Variants in NPAS3 observed in about 807,000 individuals in gnomAD.
The protein encoded by NPAS3 is neuronal PAS domain-containing protein 3.
In NPAS3, 14 loss-of-function variants were observed where a neutral mutation model predicts 73.1. The ratio of observed to expected loss-of-function variants is 0.19; its 90% CI spans 0.13 to 0.30. The LOEUF (loss-of-function observed/expected upper bound fraction) is 0.30, where lower values mean the gene tolerates loss of function less well. Among genes scored for constraint, NPAS3 ranks in the 10% least tolerant of loss-of-function variants. The probability of loss-of-function intolerance (pLI) is 1.00; values close to 1 mark genes in which losing one functional copy is unlikely to be tolerated. For missense variants in NPAS3, 1,096 were observed against 1,250.0 expected (o/e 0.88, Z 1.86); for synonymous variants, 620 against 541.5 (o/e 1.14, Z -2.01).
chr14:33,676,113 T>G (rs2059756835), intron 5 of NPAS3, 98 bp from the exon 6 acceptor site: 1 of 1,227,402 alleles, frequency 8.1e-7, no homozygotes, highest in Non-Finnish European at 1.2e-6. Context: ...CCTGAATGTA[T>G]TTTCTTTTCT....
chr14:33,048,409 A>C (rs1035651563), intron 1 of NPAS3, among the ~76,000 whole-genome samples: 5 of 152,140 alleles, frequency 3.3e-5, no homozygotes, highest in Non-Finnish European at 5.9e-5. Context: ...TTACACTGGA[A>C]ATTACTTTTC....
chr14:33,764,465 A>T (rs2062396074), intron 7 of NPAS3, among the ~76,000 whole-genome samples: 1 of 152,260 alleles, frequency 6.6e-6, no homozygotes, highest in African/African-American at 2.4e-5. Context: ...TTCTTTTCTA[A>T]TAAGAGCTTG....
chr14:33,429,513 C>T (rs2048695860), intron 4 of NPAS3, among the ~76,000 whole-genome samples: 1 of 152,146 alleles, frequency 6.6e-6, no homozygotes, highest in South Asian at 2.1e-4. Flanking sequence ...ACAGTTGATG[C>T]TGTTGATTAA....
chr14:33,092,876 C>A (rs1595431222), intron 2 of NPAS3, among the ~76,000 whole-genome samples: 1 of 152,158 alleles, frequency 6.6e-6, no homozygotes, highest in Admixed American at 6.5e-5. Context: ...GGAAAAGATT[C>A]CCTATTTAAT....
chr14:33,039,442 TC>T (rs1459304770), intron 1 of NPAS3, among the ~76,000 whole-genome samples: 1 of 152,124 alleles, frequency 6.6e-6, no homozygotes, highest in East Asian at 1.9e-4. Flanking sequence ...TGCCCTTTGC[TC>T]CCCACCCCCT....
chr14:33,445,111 G>A (rs541149332), intron 4 of NPAS3, among the ~76,000 whole-genome samples: 1 of 151,982 alleles, frequency 6.6e-6, no homozygotes, highest in Non-Finnish European at 1.5e-5. Flanking sequence ...ACTATTCTTC[G>A]GCACTTGGTT....
intron 4 of NPAS3, among the ~76,000 whole-genome samples, chr14:33,523,115 G>A (rs1216650134): frequency 6.6e-6 from 1 of 152,088 alleles, no homozygotes; most frequent in East Asian, 1.9e-4. Flanking sequence ...TAATCCAGTA[G>A]AAGAAATTAA....
chr14:33,343,609 G>T (rs1165522905), intron 3 of NPAS3, among the ~76,000 whole-genome samples: 1 of 152,128 alleles, frequency 6.6e-6, no homozygotes. Context: ...TTCGGATTCA[G>T]CTCCTTAAAT....
intron 1 of NPAS3, among the ~76,000 whole-genome samples, chr14:33,053,943 A>T (rs183794729): frequency 6.6e-6 from 1 of 152,324 alleles, no homozygotes; most frequent in Admixed American, 6.5e-5. Flanking sequence ...TTAGAGCAAA[A>T]TATAAGAAAT....
intron 2 of NPAS3, among the ~76,000 whole-genome samples, chr14:33,130,704 G>C (rs979276397): frequency 8.5e-5 from 13 of 152,086 alleles, no homozygotes; most frequent in African/African-American, 2.9e-4. Context: ...AGTCAATTTA[G>C]AAAAAAGTTT....
chr14:33,059,292 G>A (rs11156782), intron 2 of NPAS3, among the ~76,000 whole-genome samples: 43,858 of 151,998 alleles, frequency 0.29, 8,166 homozygotes, highest in African/African-American at 0.53. Flanking sequence ...TAAATGATTA[G>A]ACAATTGTTT....
chr14:33,218,938 TG>T (rs1339303134), intron 3 of NPAS3, among the ~76,000 whole-genome samples: 4 of 152,184 alleles, frequency 2.6e-5, no homozygotes, highest in African/African-American at 9.6e-5. Flanking sequence ...AACACTCAGG[TG>T]ACAGTATGTA....
At chr14:33,060,239 A>T (rs2041047024) in intron 2 of NPAS3, among the ~76,000 whole-genome samples, 1 of 152,198 alleles carries the variant, frequency 6.6e-6, no homozygotes, top group African/African-American at 2.4e-5. Flanking sequence ...TCAAAACTTA[A>T]GTTGCAATTC....
chr14:33,235,004 A>G (rs1326844819), intron 3 of NPAS3, among the ~76,000 whole-genome samples: 2 of 152,166 alleles, frequency 1.3e-5, no homozygotes, highest in Admixed American at 1.3e-4. Context: ...GTTACAAACT[A>G]GATAAAACCA....
intron 1 of NPAS3, among the ~76,000 whole-genome samples, chr14:33,026,955 G>A (rs1467347155): frequency 6.6e-6 from 1 of 152,042 alleles, no homozygotes; most frequent in Non-Finnish European, 1.5e-5. Flanking sequence ...TTAATCCTCT[G>A]TAGCTAAATT....
chr14:33,490,742 A>C (rs1393054199), intron 4 of NPAS3, among the ~76,000 whole-genome samples: 1 of 152,160 alleles, frequency 6.6e-6, no homozygotes, highest in Non-Finnish European at 1.5e-5. Context: ...GCTGGAACAA[A>C]TCAAGTCCTT....
chr14:33,392,756 T>C (rs2047062748), intron 4 of NPAS3, among the ~76,000 whole-genome samples: 1 of 152,140 alleles, frequency 6.6e-6, no homozygotes, highest in Non-Finnish European at 1.5e-5. Flanking sequence ...TCACCGCTCG[T>C]GTTACCCTTA....
intron 3 of NPAS3, among the ~76,000 whole-genome samples, chr14:33,301,136 C>T (rs1184228841): frequency 6.6e-6 from 1 of 151,492 alleles, no homozygotes; most frequent in Admixed American, 6.6e-5. Context: ...AAGGTTCACC[C>T]TTCCTCTGCT....
At chr14:32,935,982 C>T (rs2035683574), upstream of NPAS3, among the ~76,000 whole-genome samples, 2 of 152,248 alleles carry the variant, frequency 1.3e-5, no homozygotes. Flanking sequence ...TTTGTGTTTC[C>T]CAGATTGCAC....
Sources: gnomAD v4.1 joint callset for allele counts (sites outside exome capture counted in the v4.1 genomes callset) on GRCh38, gnomAD v4.1.1 for gene constraint, MANE v1.5 for transcripts, NCBI Gene and HGNC (gene_info 2026-07-23, HGNC 2026-07-21) for gene names.